Variants in HMGB1 observed in about 807,000 individuals in gnomAD.
HMGB1 encodes the protein high mobility group box 1, also known as high mobility group protein B1.
For synonymous variants in HMGB1, 81 were observed against 84.0 expected (o/e 0.96, Z 0.19); for missense variants, 79 against 253.5 (o/e 0.31, Z 4.67).
At chr13:30,525,616 CT>C (rs1319588780) in intron 1 of HMGB1, among the ~76,000 whole-genome samples, 1 of 152,104 alleles carries the variant, frequency 6.6e-6, no homozygotes, top group Non-Finnish European at 1.5e-5. Flanking sequence ...AAACTAATAA[CT>C]TTTTGCAAAA....
rs75111854 is a variant in HMGB1 at position 30,537,769 on chromosome 13, C to T, written c.-14-74075G>A. The stretch of plus-strand genomic sequence containing the variant: ...CATTCTGGGGATACTAGAGATAGGG[C>T]TGTCATAAATGTTTCTGTACACGCC... On this transcript the variant is annotated intron_variant, in intron 1 of 4. Transcript: ENST00000405805. Among the ~76,000 whole-genome samples the T allele has an allele frequency of 5.4e-5, 8 of 147,564 alleles. No individual in the cohort carries two copies. In the East Asian group the frequency reaches 1.4e-3, roughly 26 times the overall value.
At chr13:30,507,141 A>G (rs1197010006) in intron 1 of HMGB1, among the ~76,000 whole-genome samples, 1 of 152,132 alleles carries the variant, frequency 6.6e-6, no homozygotes, top group Non-Finnish European at 1.5e-5. Flanking sequence ...CTCACTCATA[A>G]AAGTGCAGTC....
rs1593250813 is a variant in HMGB1 at position 30,460,003 on chromosome 13, A to T, written c.*1354T>A. 6.5e-6 allele frequency: 1 copy of T among 152,738 alleles called. No individual in the cohort carries two copies. Among genetic ancestry groups the T allele is most frequent in the Admixed American group, 6.5e-5 (1 of 15,300 alleles). The allele number at this position is 152,738 out of a possible 1,614,324, so 9.5% of individuals were successfully genotyped here. ...CTCCATCACAAAAGCGTGTAAAATTACAAGAACGCTATTTTAAAATACTGG... is the reference window on the plus strand; with the variant it reads ...CTCCATCACAAAAGCGTGTAAAATTTCAAGAACGCTATTTTAAAATACTGG... On this transcript the variant is annotated 3_prime_UTR_variant, in exon 5 of 5. Transcript: ENST00000341423.
chr13:30,521,795 TG>T (rs1888244232), intron 1 of HMGB1, among the ~76,000 whole-genome samples: 1 of 152,230 alleles, frequency 6.6e-6, no homozygotes, highest in Non-Finnish European at 1.5e-5. Flanking sequence ...ACAGCCACCT[TG>T]TATTCCAAAG....
In HMGB1 at chr13:30,463,194, G is replaced by T; in HGVS notation, c.296+13C>A. 1 of 1,598,332 alleles carries T rather than the reference G, an allele frequency of 6.3e-7. No homozygotes were observed. Among genetic ancestry groups the T allele is most frequent in the Non-Finnish European group, 8.5e-7 (1 of 1,176,718 alleles). On this transcript the variant is annotated intron_variant, in intron 3 of 4. Coordinates refer to ENST00000341423, the MANE Select transcript of HMGB1 (RefSeq NM_002128.7). ...AAACGTGTCTGGGAAGTAAAAACAG[G>T]CAAGATACTCACGGAGGCCTCTTGG...
In HMGB1 at chr13:30,458,081, G is replaced by A. The variant is rs539539699; in HGVS notation, c.*3276C>T. On this transcript the variant is annotated 3_prime_UTR_variant, in exon 5 of 5. Transcript: ENST00000341423. ...GCAAGTTAATTCTAAGACTTAAGCTGTGTACGGTGTGTGCAAATTTGCAGA... is the reference window on the plus strand; with the variant it reads ...GCAAGTTAATTCTAAGACTTAAGCTATGTACGGTGTGTGCAAATTTGCAGA... 2.1e-4 allele frequency: 32 copies of A among 152,282 alleles called. No homozygotes were observed. Among genetic ancestry groups the A allele is most frequent in the African/African-American group, 7.0e-4 (29 of 41,540 alleles). The allele number at this position is 152,282 out of a possible 1,614,324, so 9.4% of individuals were successfully genotyped here. A position where few individuals can be genotyped will look rare whatever the true frequency, so the allele number is the denominator to read the frequency against.
intron 1 of HMGB1, among the ~76,000 whole-genome samples, chr13:30,531,276 A>G (rs1158067953): frequency 1.3e-5 from 2 of 152,214 alleles, no homozygotes; most frequent in African/African-American, 4.8e-5. Flanking sequence ...CCCCTGTGAC[A>G]GGTGCCCCGA....
rs1009408207 is a variant in HMGB1 at position 30,555,863 on chromosome 13, G to A, written c.-15+60808C>T. Reference sequence around the variant, plus strand: ...GCTACTCGTAACCATAGTCTCCATCGTCAAAAAGGAATGTATAAGGATTAT... The same window carrying A: ...GCTACTCGTAACCATAGTCTCCATCATCAAAAAGGAATGTATAAGGATTAT... On this transcript the variant is annotated intron_variant, in intron 1 of 4. Transcript: ENST00000405805. Among the ~76,000 whole-genome samples, 10 of 152,194 alleles carry A rather than the reference G, an allele frequency of 6.6e-5. No homozygotes were observed. In the East Asian group the frequency reaches 7.7e-4, roughly 12 times the overall value.
intron 4 of HMGB1, 115 bp downstream of exon 4, chr13:30,462,423 C>T: frequency 1.2e-6 from 1 of 860,278 alleles, no homozygotes; most frequent in South Asian, 1.3e-5. Flanking sequence ...GGACTTATAT[C>T]AACACCATAC....
At chr13:30,503,601 G>A (rs909048152) in intron 1 of HMGB1, among the ~76,000 whole-genome samples, 6 of 149,928 alleles carry the variant, frequency 4.0e-5, no homozygotes, top group African/African-American at 7.4e-5. Context: ...CTTCATTTGC[G>A]GCTGCTATAA....
chr13:30,546,847 C>T (rs1400574405), intron 1 of HMGB1, among the ~76,000 whole-genome samples: 1 of 152,210 alleles, frequency 6.6e-6, no homozygotes, highest in Non-Finnish European at 1.5e-5. Flanking sequence ...TACCGTGAAT[C>T]CACCTTTAGG....
At chr13:30,505,612 A>G (rs145591626) in intron 1 of HMGB1, among the ~76,000 whole-genome samples, 82 of 149,198 alleles carry the variant, frequency 5.5e-4, no homozygotes, top group Non-Finnish European at 1.1e-3. Context: ...TGCCCGACCT[A>G]TTTTTCAACT....
At chr13:30,610,502 T>C (rs557756803) in intron 1 of HMGB1, among the ~76,000 whole-genome samples, 50 of 152,134 alleles carry the variant, frequency 3.3e-4, no homozygotes, top group South Asian at 2.1e-4. Flanking sequence ...TTCTATGTCT[T>C]ACCTCATTTA....
intron 1 of HMGB1, among the ~76,000 whole-genome samples, chr13:30,520,892 C>T (rs1320370118): frequency 2.0e-5 from 3 of 152,152 alleles, no homozygotes; most frequent in Non-Finnish European, 4.4e-5. Context: ...TATCATTCTC[C>T]CCACCTCTTT....
chr13:30,532,236 G>T (rs1888511512), intron 1 of HMGB1, among the ~76,000 whole-genome samples: 1 of 151,062 alleles, frequency 6.6e-6, no homozygotes, highest in Non-Finnish European at 1.5e-5. Context: ...TCAGGAGGCT[G>T]AGGCAGGAGA....
At chr13:30,580,040 GCTAA>G in intron 1 of HMGB1, among the ~76,000 whole-genome samples, 1 of 152,280 alleles carries the variant, frequency 6.6e-6, no homozygotes, top group South Asian at 2.1e-4. Flanking sequence ...AGGACACCAG[GCTAA>G]CTATCAGTCT....
At chr13:30,584,629 A>G in intron 1 of HMGB1, among the ~76,000 whole-genome samples, 1 of 152,266 alleles carries the variant, frequency 6.6e-6, no homozygotes. Flanking sequence ...TACTTATATA[A>G]TTTCATTTTC....
At chr13:30,463,107 T>C in intron 3 of HMGB1, 100 bp downstream of exon 3, 1 of 1,165,660 alleles carries the variant, frequency 8.6e-7, no homozygotes, top group Non-Finnish European at 1.2e-6. Flanking sequence ...GAAACTTTGA[T>C]TGTACATTTA....
intron 1 of HMGB1, among the ~76,000 whole-genome samples, chr13:30,602,035 C>T (rs1238010718): frequency 4.6e-5 from 7 of 152,190 alleles, no homozygotes; most frequent in African/African-American, 1.4e-4. Flanking sequence ...GTGAACAGGA[C>T]GTGCACATGT....
Sources: gnomAD v4.1 joint callset for allele counts (sites outside exome capture counted in the v4.1 genomes callset) on GRCh38, gnomAD v4.1.1 for gene constraint, MANE v1.5 for transcripts, NCBI Gene and HGNC (gene_info 2026-07-23, HGNC 2026-07-21) for gene names.